Variants in NEBL observed in about 807,000 individuals in gnomAD.
NEBL encodes the protein LIM and SH3 protein 2.
Under a neutral mutation model 140.2 loss-of-function variants are expected in NEBL, and 122 were observed. The observed-to-expected ratio is 0.87, with a 90% CI of 0.75 to 1.01. NEBL has a LOEUF of 1.01. Among genes scored for constraint, NEBL ranks in the 50% least tolerant of loss-of-function variants. The probability of loss-of-function intolerance (pLI) is 0.00; values close to 1 mark genes in which losing one functional copy is unlikely to be tolerated. For missense variants in NEBL, 1,365 were observed against 1,231.3 expected (o/e 1.11, Z -1.62); for synonymous variants, 436 against 398.9 (o/e 1.09, Z -1.11).
chr10:21,185,571 C>T (rs1161172933), intron 3 of NEBL, among the ~76,000 whole-genome samples: 2 of 145,724 alleles, frequency 1.4e-5, no homozygotes, highest in East Asian at 4.2e-4. Context: ...GATCTCAGCT[C>T]ACCACAACCC....
At chr10:20,947,244 T>C (rs747605862) in intron 4 of NEBL, among the ~76,000 whole-genome samples, 2 of 152,168 alleles carry the variant, frequency 1.3e-5, no homozygotes, top group Admixed American at 1.3e-4. Context: ...GTGCTAGCCC[T>C]GAGTGTTTCA....
chr10:20,830,912 TAAAA>T (rs371760760), intron 16 of NEBL, among the ~76,000 whole-genome samples: 3 of 92,370 alleles, frequency 3.2e-5, no homozygotes, highest in Admixed American at 1.3e-4. Context: ...CTCTAAAATT[TAAAA>T]AAAAAAAAAA....
intron 2 of NEBL, among the ~76,000 whole-genome samples, chr10:21,026,740 G>C (rs1206761117): frequency 6.6e-6 from 1 of 152,202 alleles, no homozygotes; most frequent in Non-Finnish European, 1.5e-5. Context: ...TGGCAGGGCT[G>C]CCTGCTAGCA....
chr10:20,970,751 C>T (rs1836534306), intron 3 of NEBL, among the ~76,000 whole-genome samples: 1 of 152,132 alleles, frequency 6.6e-6, no homozygotes, highest in African/African-American at 2.4e-5. Context: ...ACGTTAAGGT[C>T]CATTTCACAG....
chr10:20,929,982 T>C (rs950363624), intron 4 of NEBL, among the ~76,000 whole-genome samples: 66 of 152,266 alleles, frequency 4.3e-4, no homozygotes, highest in African/African-American at 1.5e-3. Flanking sequence ...ACTTCTCATT[T>C]CTATCTAAAC....
rs141927763 is a variant in NEBL, at chr10:21,234,562, T to C, written n.348+13359A>G. The stretch of plus-strand genomic sequence containing the variant: ...TCTTTTCATTATAAATTACCCAGTC[T>C]CAGGTGTTCCTTTAGAGCAGTGTAA... On this transcript the variant is annotated intron_variant and non_coding_transcript_variant, in intron 3 of 8. Transcript: ENST00000675702. Among the ~76,000 whole-genome samples the C allele has an allele frequency of 4.3e-4, 65 of 152,284 alleles. 1 individual carries two copies. In the East Asian group the frequency reaches 0.012, roughly 28 times the overall value.
chr10:21,214,002 C>T (rs560338047), intron 3 of NEBL, among the ~76,000 whole-genome samples: 38 of 151,952 alleles, frequency 2.5e-4, no homozygotes, highest in Non-Finnish European at 5.1e-4. Flanking sequence ...ATAGATTTTC[C>T]CCACAATTAT....
chr10:20,968,561 G>T (rs1156536596), intron 3 of NEBL, among the ~76,000 whole-genome samples: 1 of 152,112 alleles, frequency 6.6e-6, no homozygotes, highest in African/African-American at 2.4e-5. Flanking sequence ...AATCATAGAA[G>T]TTCAAGGGGA....
intron 2 of NEBL, among the ~76,000 whole-genome samples, chr10:21,111,135 G>A (rs1448146254): frequency 3.3e-5 from 5 of 152,134 alleles, no homozygotes; most frequent in Non-Finnish European, 7.3e-5. Flanking sequence ...TCATGGATAA[G>A]AAGAATCAAT....
In NEBL at chr10:21,163,038, G is replaced by C. The variant is rs76575526; in HGVS notation, c.164+9345C>G. ...AATGAATCCTTAATCCTAAGAGATA[G>C]AGTCTATTATACCCATTTTACAGAT... On this transcript the variant is annotated intron_variant, in intron 2 of 6. Transcript: ENST00000417816. 9.3e-3 allele frequency among the ~76,000 whole-genome samples: 1,418 copies of C among 152,304 alleles called. 21 individuals carry two copies. The highest frequency in any genetic ancestry group is 0.032 in the African/African-American group (1,339 of 41,550).
In NEBL at chr10:21,173,033, C is replaced by T. The variant is rs757549504; in HGVS notation, c.70-556G>A. 1.3e-5 allele frequency among the ~76,000 whole-genome samples: 2 copies of T among 152,170 alleles called. No individual in the cohort carries two copies. The highest frequency in any genetic ancestry group is 2.9e-5 in the Non-Finnish European group (2 of 68,036). ...CTAAGGAAGCATTTGTATCTTCAGA[C>T]GCAAATTTCCCCAGAACGCCCCTGG... On this transcript the variant is annotated intron_variant, in intron 1 of 6. Coordinates refer to the NEBL transcript ENST00000417816. This position sits in a 1 kb window ranked among gnomAD's most constrained non-coding sequence, Gnocchi z 5.7.
chr10:20,962,393 T>C (rs1311496790), intron 3 of NEBL, among the ~76,000 whole-genome samples: 1 of 152,234 alleles, frequency 6.6e-6, no homozygotes, highest in African/African-American at 2.4e-5. Flanking sequence ...CATAAATGCT[T>C]ATGAAAATAT....
chr10:20,843,919 G>C (rs1246596753), intron 12 of NEBL, among the ~76,000 whole-genome samples: 1 of 152,010 alleles, frequency 6.6e-6, no homozygotes, highest in Non-Finnish European at 1.5e-5. Flanking sequence ...CAGAACACCA[G>C]AGCTCATTCC....
intron 2 of NEBL, among the ~76,000 whole-genome samples, chr10:21,117,492 T>A (rs952034642): frequency 1.3e-5 from 2 of 152,106 alleles, no homozygotes; most frequent in African/African-American, 4.8e-5. Flanking sequence ...GGCTCTGTTA[T>A]ATGTCTAGGA....
intron 9 of NEBL, 28 bp from the exon 10 acceptor site, chr10:20,852,677 TAG>T: frequency 6.5e-7 from 1 of 1,528,256 alleles, no homozygotes; most frequent in Non-Finnish European, 9.1e-7. Context: ...GAAATCAACT[TAG>T]AATCAAAGAG....
intron 2 of NEBL, among the ~76,000 whole-genome samples, chr10:21,098,563 C>T (rs1335908991): frequency 6.6e-6 from 1 of 152,168 alleles, no homozygotes; most frequent in Non-Finnish European, 1.5e-5. Flanking sequence ...ACTGCTAGAC[C>T]TGGAATAATT....
chr10:21,256,638 C>T (rs2132276955), intron 1 of NEBL, among the ~76,000 whole-genome samples: 1 of 152,216 alleles, frequency 6.6e-6, no homozygotes, highest in South Asian at 2.1e-4. Context: ...CGAGACCAGC[C>T]TAGGCAACAT....
At chr10:20,877,755 A>T (rs1352304756) in intron 5 of NEBL, among the ~76,000 whole-genome samples, 1 of 152,208 alleles carries the variant, frequency 6.6e-6, no homozygotes, top group Non-Finnish European at 1.5e-5. Flanking sequence ...CAGTCTATGT[A>T]GAAAGTCACG....
At chr10:21,033,223 T>G (rs1833869891) in intron 2 of NEBL, among the ~76,000 whole-genome samples, 1 of 152,156 alleles carries the variant, frequency 6.6e-6, no homozygotes, top group Non-Finnish European at 1.5e-5. Flanking sequence ...CTCGAGTATC[T>G]AAGATATGAG....
Sources: gnomAD v4.1 joint callset for allele counts (sites outside exome capture counted in the v4.1 genomes callset) on GRCh38, gnomAD v4.1.1 for gene constraint, Gnocchi (gnomAD v3.1) non-coding constraint, MANE v1.5 for transcripts, NCBI Gene and HGNC (gene_info 2026-07-23, HGNC 2026-07-21) for gene names.